The following MELK variants were observed in gnomAD, a reference collection of about 807,000 sequenced individuals.
MELK encodes pEg3 kinase.
A neutral mutation model predicts 85.0 loss-of-function variants in MELK; 81 were observed. The ratio of observed to expected loss-of-function variants is 0.95; its 90% confidence interval spans 0.80 to 1.15. The LOEUF is 1.15. MELK is among the 50% of genes most tolerant of loss of function. The probability of loss-of-function intolerance (pLI) is 0.00; values close to 1 mark genes in which losing one functional copy is unlikely to be tolerated. For synonymous variants in MELK, 252 were observed against 265.0 expected, an observed-to-expected ratio of 0.95 and a Z score of 0.48; for missense variants, 754 against 777.5, an observed-to-expected ratio of 0.97 and a Z score of 0.36.
chr9:36,593,046 A>C (rs572957065), intron 4 of MELK, among the ~76,000 whole-genome samples: 84 of 152,240 alleles, frequency 5.5e-4, no homozygotes, highest in Admixed American at 1.8e-3. Flanking sequence ...CTCATACAGT[A>C]TTCTTTTGCT....
chr9:36,578,464 TA>T (rs1821869567), intron 1 of MELK, among the ~76,000 whole-genome samples: 1 of 152,182 alleles, frequency 6.6e-6, no homozygotes, highest in Admixed American at 6.6e-5. Context: ...ACATCTGTAG[TA>T]AAAATCATTA....
In MELK at chr9:36,607,557, T is replaced by A; in HGVS notation, c.568-18T>A. ...AATTTTTGTTTCAGTAATTTTTCTT[T>A]TTCCCTCTTTCTCTCAGGCAGATGT... On this transcript the variant is annotated intron_variant, in intron 7 of 17. Transcript: ENST00000298048. 6.4e-7 allele frequency: 1 copy of A among 1,574,390 alleles called. No individual in the cohort carries two copies. Among genetic ancestry groups the A allele is most frequent in the Non-Finnish European group, 8.7e-7 (1 of 1,146,200 alleles).
At chr9:36,665,658 A>C (rs539378085) in intron 14 of MELK, 77 bp downstream of exon 14, 2 of 1,060,774 alleles carry the variant, frequency 1.9e-6, no homozygotes, top group African/African-American at 3.3e-5. Context: ...CAGGTCAGAA[A>C]TGACTAGCAT....
intron 4 of MELK, 66 bp from the exon 5 acceptor site, chr9:36,594,562 A>T: frequency 6.5e-7 from 1 of 1,547,512 alleles, no homozygotes; most frequent in Non-Finnish European, 8.8e-7. Context: ...GTACTTTTTT[A>T]TTTTAAATTT....
At chr9:36,589,475 T>TG (rs1464891154) in intron 3 of MELK, 61 bp from the exon 4 acceptor site, 1 of 1,351,478 alleles carries the variant, frequency 7.4e-7, no homozygotes, top group Admixed American at 1.7e-5. Context: ...CTGTTAGTAT[T>TG]GGAGCTTGGA....
chr9:36,652,042 AT>A (rs11465173), intron 12 of MELK, among the ~76,000 whole-genome samples, 165 bp downstream of exon 12: 96 of 91,394 alleles, frequency 1.1e-3, no homozygotes, highest in African/African-American at 3.3e-3. Context: ...TTGAACTCTA[AT>A]TTTTTTTTTT....
Position 36,575,482 on chromosome 9 carries a change from C to T in MELK, c.-39+2475C>T, listed in dbSNP as rs1013847497. Reference sequence around the variant, plus strand: ...TGTAATGTAAGCACCAGTTTTCTCACATTGCAGCAACAACGATATTCCCTT... The same window carrying T: ...TGTAATGTAAGCACCAGTTTTCTCATATTGCAGCAACAACGATATTCCCTT... On this transcript the variant is annotated intron_variant, in intron 1 of 17. Transcript: ENST00000298048. Among the ~76,000 whole-genome samples the T allele has an allele frequency of 2.0e-5, 3 of 152,210 alleles. No homozygotes were observed. In the South Asian group the frequency reaches 6.2e-4, roughly 31 times the overall value.
chr9:36,573,546 C>T (rs752560607), intron 1 of MELK, among the ~76,000 whole-genome samples: 4 of 152,102 alleles, frequency 2.6e-5, no homozygotes, highest in Non-Finnish European at 5.9e-5. Flanking sequence ...GCTCTTGTTG[C>T]CCAGGCTGGA....
chr9:36,593,294 A>AT (rs1488930967), intron 4 of MELK, among the ~76,000 whole-genome samples: 6 of 151,878 alleles, frequency 4.0e-5, no homozygotes, highest in African/African-American at 1.4e-4. Context: ...TTGAAACTTA[A>AT]TCCCCAGTGT....
chr9:36,623,573 G>A (rs1387675440), intron 8 of MELK, among the ~76,000 whole-genome samples: 1 of 152,214 alleles, frequency 6.6e-6, no homozygotes, highest in Non-Finnish European at 1.5e-5. Flanking sequence ...CATTGCAGGA[G>A]GTGATGTGAA....
At chr9:36,635,341 A>G (rs1358050052) in intron 10 of MELK, among the ~76,000 whole-genome samples, 1 of 151,664 alleles carries the variant, frequency 6.6e-6, no homozygotes, top group Non-Finnish European at 1.5e-5. Context: ...TTGGCTGACT[A>G]CAACCTCCGC....
chr9:36,664,040 G>A (rs1832105558), intron 13 of MELK, among the ~76,000 whole-genome samples: 1 of 151,798 alleles, frequency 6.6e-6, no homozygotes, highest in Non-Finnish European at 1.5e-5. Context: ...TTTCTGTCTT[G>A]GCTACATTCA....
intron 8 of MELK, 195 bp from the exon 9 acceptor site, chr9:36,630,104 C>A (rs1460061306): frequency 3.5e-6 from 2 of 564,114 alleles, no homozygotes; most frequent in Non-Finnish European, 6.3e-6. Flanking sequence ...TTTGACCTCC[C>A]AAAGTGCTGG....
intron 7 of MELK, among the ~76,000 whole-genome samples, chr9:36,599,740 A>G (rs1824715831): frequency 6.6e-6 from 1 of 152,196 alleles, no homozygotes; most frequent in South Asian, 2.1e-4. Flanking sequence ...TTTGTATTAA[A>G]TAGTGCCATA....
chr9:36,580,156 G>A (rs573922072), intron 1 of MELK, among the ~76,000 whole-genome samples: 1 of 148,206 alleles, frequency 6.7e-6, no homozygotes, highest in East Asian at 2.0e-4. Flanking sequence ...AGCCTCCCAA[G>A]TAGGTGGAAC....
intron 2 of MELK, among the ~76,000 whole-genome samples, chr9:36,582,612 C>CAT: frequency 6.6e-6 from 1 of 152,228 alleles, no homozygotes; most frequent in East Asian, 1.9e-4. Context: ...GAGTTTTACA[C>CAT]ATATATATGT....
At chr9:36,631,896 A>G (rs984263562) in intron 9 of MELK, among the ~76,000 whole-genome samples, 4 of 152,088 alleles carry the variant, frequency 2.6e-5, no homozygotes, top group Non-Finnish European at 4.4e-5. Flanking sequence ...TCCTGAGCTC[A>G]AGCGTTCTGC....
At chr9:36,632,085 A>G (rs533626194) in intron 9 of MELK, among the ~76,000 whole-genome samples, 7 of 152,350 alleles carry the variant, frequency 4.6e-5, no homozygotes, top group South Asian at 4.1e-4. Context: ...GCAGATATCA[A>G]AATTACCCCG....
intron 10 of MELK, among the ~76,000 whole-genome samples, chr9:36,634,710 A>C (rs1295860612): frequency 1.3e-5 from 2 of 151,660 alleles, no homozygotes; most frequent in Non-Finnish European, 2.9e-5. Flanking sequence ...TGTTTCAAAA[A>C]GAAAAGAGGC....
Sources: allele counts gnomAD v4.1 joint callset (sites outside exome capture counted in the v4.1 genomes callset), GRCh38; gene constraint gnomAD v4.1.1; transcripts MANE v1.5; gene names NCBI Gene and HGNC (gene_info 2026-07-23, HGNC 2026-07-21).